The following USP34 variants were observed in gnomAD, a reference collection of about 807,000 sequenced individuals.
The protein encoded by USP34 is ubiquitin specific peptidase 34.
In USP34, 70 loss-of-function variants were observed where a neutral mutation model predicts 460.3. The observed-to-expected ratio is 0.15, with a 90% confidence interval of 0.13 to 0.19. The LOEUF is 0.19. Among genes scored for constraint, USP34 ranks in the 10% least tolerant of loss-of-function variants. USP34 has a pLI of 1.00. For synonymous variants in USP34, 1,647 were observed against 1,405.3 expected, an observed-to-expected ratio of 1.17 and a Z score of -3.85; for missense variants, 3,985 against 4,236.2, an observed-to-expected ratio of 0.94 and a Z score of 1.65.
At chr2:61,445,830 A>C (rs1186703) in intron 1 of USP34, among the ~76,000 whole-genome samples, 95,172 of 151,286 alleles carry the variant, frequency 0.63, 29,957 homozygotes, top group Middle Eastern at 0.69. Context: ...CACGTGTAAT[A>C]CCAGCTACTC....
chr2:61,418,355 C>T (rs1335600475), intron 2 of USP34, among the ~76,000 whole-genome samples: 1 of 152,206 alleles, frequency 6.6e-6, no homozygotes, highest in Admixed American at 6.5e-5. Flanking sequence ...GCTGGGATTA[C>T]ATGCATGAGC....
chr2:61,308,568 C>A (rs936108064), intron 27 of USP34, among the ~76,000 whole-genome samples: 4 of 152,068 alleles, frequency 2.6e-5, no homozygotes, highest in Admixed American at 2.6e-4. Context: ...AATCTATGAA[C>A]CATTTCAAGA....
At chr2:61,384,186 TGA>T (rs1389951420) in intron 5 of USP34, among the ~76,000 whole-genome samples, 3 of 152,198 alleles carry the variant, frequency 2.0e-5, no homozygotes, top group Non-Finnish European at 4.4e-5. Flanking sequence ...ACAGCTCGAC[TGA>T]GTTATAATAA....
At chr2:61,470,046 A>G (rs1486746559) in intron 1 of USP34, among the ~76,000 whole-genome samples, 1 of 152,260 alleles carries the variant, frequency 6.6e-6, no homozygotes, top group East Asian at 1.9e-4. Flanking sequence ...AAGAAACATC[A>G]TTAACAAATT....
intron 3 of USP34, among the ~76,000 whole-genome samples, chr2:61,403,119 G>T: frequency 6.6e-6 from 1 of 152,032 alleles, no homozygotes; most frequent in South Asian, 2.1e-4. Context: ...TATCTCTATG[G>T]GTATTTTTTG....
chr2:61,204,609 T>C lies in USP34; in HGVS notation c.9155-8A>G, dbSNP rs781333745. On this transcript the variant is annotated splice_region_variant and splice_polypyrimidine_tract_variant and intron_variant, in intron 72 of 79. Coordinates refer to ENST00000398571, the MANE Select transcript of USP34 (RefSeq NM_014709.4). ...CAAGTTCCTTGAGGACATCTGAAAA[T>C]AAAAACAAAGTTTGGGTAGCAAAAA... 6.2e-7 allele frequency: 1 copy of C among 1,610,038 alleles called. No individual in the cohort carries two copies. The highest frequency in any genetic ancestry group is 1.3e-5 in the African/African-American group (1 of 74,816).
rs966566304 is a variant in USP34, at chr2:61,221,917, T to C, written c.7795-311A>G. 17 of 200,674 alleles carry C rather than the reference T, an allele frequency of 8.5e-5. 1 individual carries two copies. In the South Asian group the frequency reaches 2.0e-3, roughly 24 times the overall value. 12.4% of individuals were successfully genotyped at this position (200,674 alleles called of 1,614,324 possible). ...TTACGATGTACAACGTTTTGAAATA[T>C]GTATACATTGTAGAATGGCGAAATC... On this transcript the variant is annotated intron_variant, in intron 65 of 79. Coordinates refer to ENST00000398571, the MANE Select transcript of USP34 (RefSeq NM_014709.4).
chr2:61,248,792 T>A, intron 48 of USP34, 109 bp from the exon 49 acceptor site: 1 of 1,046,430 alleles, frequency 9.6e-7, no homozygotes, highest in Non-Finnish European at 1.3e-6. Flanking sequence ...AGTTAAGAAG[T>A]ATAGTAGTTC....
In USP34 at chr2:61,204,287, C is replaced by A; in HGVS notation, c.9353G>T (p.Cys3118Phe). 6.2e-7 allele frequency: 1 copy of A among 1,614,184 alleles called. No homozygotes were observed. The highest frequency in any genetic ancestry group is 8.5e-7 in the Non-Finnish European group (1 of 1,180,030). The change falls in exon 74 of 80, where the codon TGC (cysteine) becomes TTC (phenylalanine). Residue 3118 changes from cysteine (C) to phenylalanine (F), a missense_variant. Cys to Phe is a radical substitution (Grantham distance 205, BLOSUM62 -2). Around this residue, in one of 14 missense-constraint regions of USP34, gnomAD observed 275 missense variants for 292.7 expected, o/e 0.94. Coordinates refer to ENST00000398571, the MANE Select transcript of USP34 (RefSeq NM_014709.4). ...GGTTTCCACCATTGTGGGCAAGAGG[C>A]ACATATTGAGTTCAGGGCGCGGAGG... ...IRPPRPELNM[C>F]LLPTMVETSK...
intron 51 of USP34, among the ~76,000 whole-genome samples, chr2:61,242,871 G>A (rs997860571): frequency 2.6e-5 from 4 of 152,042 alleles, no homozygotes; most frequent in Non-Finnish European, 4.4e-5. Flanking sequence ...TCTTTGAGAC[G>A]GAGTTTTGCT....
intron 3 of USP34, among the ~76,000 whole-genome samples, chr2:61,403,686 G>A (rs1693784932): frequency 6.6e-6 from 1 of 152,034 alleles, no homozygotes; most frequent in African/African-American, 2.4e-5. Context: ...GTGAGTGAAA[G>A]TTTATCAAAA....
intron 7 of USP34, 31 bp downstream of exon 7, chr2:61,380,138 G>C: frequency 6.3e-7 from 1 of 1,589,336 alleles, no homozygotes; most frequent in South Asian, 1.1e-5. Flanking sequence ...ACAAATAAAC[G>C]ATGACCAAAA....
intron 29 of USP34, among the ~76,000 whole-genome samples, chr2:61,298,383 A>C (rs1165136502): frequency 2.7e-5 from 4 of 146,156 alleles, no homozygotes; most frequent in Admixed American, 2.0e-4. Context: ...AAAAAAAAAA[A>C]AAAAACTAGC....
intron 32 of USP34, 130 bp from the exon 33 acceptor site, chr2:61,293,680 C>G (rs7566035): frequency 4.9e-6 from 3 of 614,612 alleles, no homozygotes; most frequent in African/African-American, 3.8e-5. Flanking sequence ...TTTAAATTAC[C>G]AAAATAATTT....
chr2:61,452,144 A>T (rs1695298147), intron 1 of USP34, among the ~76,000 whole-genome samples: 1 of 151,170 alleles, frequency 6.6e-6, no homozygotes. Context: ...ACTGCACTCC[A>T]GCCTGGGCGA....
Position 61,311,534 on chromosome 2 carries a change from G to T in USP34, c.3817+6C>A. On this transcript the variant is annotated splice_donor_region_variant and intron_variant, in intron 27 of 79. Coordinates refer to ENST00000398571, the MANE Select transcript of USP34 (RefSeq NM_014709.4). Reference sequence around the variant, plus strand: ...AGAAAGAGAAAATTTGAATTGAAAGGCTTACCAGGAAACTCTCCTTTTCGG... The same window carrying T: ...AGAAAGAGAAAATTTGAATTGAAAGTCTTACCAGGAAACTCTCCTTTTCGG... 1 of 1,568,492 alleles carries T rather than the reference G, an allele frequency of 6.4e-7. No homozygotes were observed. The highest frequency in any genetic ancestry group is 8.6e-7 in the Non-Finnish European group (1 of 1,161,068).
At chr2:61,422,152 A>G (rs150687293) in intron 1 of USP34, among the ~76,000 whole-genome samples, 469 of 152,304 alleles carry the variant, frequency 3.1e-3, no homozygotes, top group Non-Finnish European at 4.0e-3. Context: ...AGGACAGAAT[A>G]AGATATAGTT....
At chr2:61,353,205 T>C (rs769054254) in intron 10 of USP34, among the ~76,000 whole-genome samples, 6 of 152,182 alleles carry the variant, frequency 3.9e-5, no homozygotes, top group East Asian at 1.9e-4. Context: ...AGCTAGCTGA[T>C]TGCTAATTCT....
At chr2:61,334,113 A>G in intron 18 of USP34, 142 bp from the exon 19 acceptor site, 1 of 522,220 alleles carries the variant, frequency 1.9e-6, no homozygotes. Context: ...TTTTTTTCTC[A>G]GAAGTATAAA....
Sources: gnomAD v4.1 joint callset for allele counts (sites outside exome capture counted in the v4.1 genomes callset) on GRCh38, gnomAD v4.1.1 for gene constraint, gnomAD v4.1.1 regional missense constraint, MANE v1.5 for transcripts, NCBI Gene and HGNC (gene_info 2026-07-23, HGNC 2026-07-21) for gene names.